ENTREP2: variants seen among roughly 807,000 people sequenced by gnomAD.
The protein encoded by ENTREP2 is protein ENTREP2.
At chr15:29,281,664 C>T in the ENTREP2 span, among the ~76,000 whole-genome samples, 2 of 152,192 alleles carry the variant, frequency 1.3e-5, no homozygotes, top group Admixed American at 6.5e-5. Flanking sequence ...TGCGGCAACC[C>T]CGCTCTGGAC....
At chr15:29,444,224 AAGAAAGAAAGAAAGAAAG>A in the ENTREP2 span, among the ~76,000 whole-genome samples, 1 of 149,976 alleles carries the variant, frequency 6.7e-6, no homozygotes, top group Admixed American at 6.6e-5. Context: ...GAAAGAAAGA[AAGAAAGAAAGAAAGAAAG>A]AAAGAAAGAG....
chr15:29,347,300 C>G, the ENTREP2 span, among the ~76,000 whole-genome samples: 1 of 152,108 alleles, frequency 6.6e-6, no homozygotes, highest in African/African-American at 2.4e-5. Context: ...ATAGCTGGGA[C>G]TATAGGCCCA....
At chr15:29,472,398 TTAAA>T in the ENTREP2 span, among the ~76,000 whole-genome samples, 7 of 150,622 alleles carry the variant, frequency 4.6e-5, no homozygotes, top group Admixed American at 3.3e-4. Context: ...TGTGTTAATA[TTAAA>T]TATTTTATAC....
At chr15:29,291,990 T>C in the ENTREP2 span, among the ~76,000 whole-genome samples, 80,702 of 151,946 alleles carry the variant, frequency 0.53, 23,671 homozygotes, top group Non-Finnish European at 0.68. Flanking sequence ...CACCCAATGT[T>C]TGCCAATGCT....
chr15:29,411,845 G>C, the ENTREP2 span, among the ~76,000 whole-genome samples: 3 of 152,160 alleles, frequency 2.0e-5, no homozygotes, highest in African/African-American at 7.2e-5. Flanking sequence ...AATGATCCCA[G>C]AACCATTTAT....
At chr15:29,183,462 C>T in the ENTREP2 span, among the ~76,000 whole-genome samples, 1 of 152,214 alleles carries the variant, frequency 6.6e-6, no homozygotes, top group Admixed American at 6.5e-5. Flanking sequence ...CAGGTGCACA[C>T]ACGCTGCCGA....
chr15:29,136,615 C>T, the ENTREP2 span: 1 of 1,126,400 alleles, frequency 8.9e-7, no homozygotes, highest in Non-Finnish European at 1.2e-6. Context: ...TCTAATACTT[C>T]CCATCATTGT....
the ENTREP2 span, among the ~76,000 whole-genome samples, chr15:29,491,157 T>C: frequency 0.041 from 6,175 of 152,276 alleles, 399 homozygotes; most frequent in African/African-American, 0.14. Context: ...GTGGCACCAG[T>C]TGGCCACTCC....
At chr15:29,492,595 T>G in the ENTREP2 span, among the ~76,000 whole-genome samples, 1 of 152,194 alleles carries the variant, frequency 6.6e-6, no homozygotes, top group Non-Finnish European at 1.5e-5. Context: ...GGTTATGACC[T>G]TCAAGTGTTA....
the ENTREP2 span, among the ~76,000 whole-genome samples, chr15:29,159,020 A>T: frequency 2.6e-5 from 4 of 152,326 alleles, no homozygotes; most frequent in Admixed American, 6.5e-5. Context: ...TAAAAACATT[A>T]AACAGTTCAG....
the ENTREP2 span, among the ~76,000 whole-genome samples, chr15:29,615,249 G>A: frequency 1.5e-4 from 22 of 151,624 alleles, no homozygotes; most frequent in Non-Finnish European, 2.5e-4. Flanking sequence ...TCTGCCTTCC[G>A]GGTTCAAGCG....
the ENTREP2 span, among the ~76,000 whole-genome samples, chr15:29,591,958 G>C: frequency 6.6e-6 from 1 of 152,142 alleles, no homozygotes; most frequent in African/African-American, 2.4e-5. Context: ...CAATGCCAAG[G>C]ATGGCTGGCA....
chr15:29,185,232 C>A, the ENTREP2 span, among the ~76,000 whole-genome samples: 1 of 152,060 alleles, frequency 6.6e-6, no homozygotes, highest in East Asian at 1.9e-4. Context: ...GTGCTCCACT[C>A]CCCTGTGATT....
At chr15:29,567,438 A>G in the ENTREP2 span, among the ~76,000 whole-genome samples, 1 of 152,178 alleles carries the variant, frequency 6.6e-6, no homozygotes, top group South Asian at 2.1e-4. Context: ...CCTTCTGCCT[A>G]ATCGTTAGCA....
the ENTREP2 span, among the ~76,000 whole-genome samples, chr15:29,540,751 C>T: frequency 1.3e-5 from 2 of 152,214 alleles, no homozygotes; most frequent in African/African-American, 4.8e-5. Context: ...GTAACACTAC[C>T]AACGGCACAT....
the ENTREP2 span, among the ~76,000 whole-genome samples, chr15:29,387,563 CA>C: frequency 2.0e-5 from 3 of 152,260 alleles, no homozygotes; most frequent in South Asian, 6.2e-4. Flanking sequence ...TTTATAGATT[CA>C]ATGCCATCCC....
the ENTREP2 span, among the ~76,000 whole-genome samples, chr15:29,592,156 C>T: frequency 2.0e-5 from 3 of 152,234 alleles, no homozygotes; most frequent in East Asian, 5.8e-4. Context: ...ACCATCCTTG[C>T]TCTCTCTGCC....
the ENTREP2 span, among the ~76,000 whole-genome samples, chr15:29,361,874 T>C: frequency 3.3e-5 from 5 of 152,230 alleles, no homozygotes; most frequent in Admixed American, 2.6e-4. Flanking sequence ...GGACAAATTC[T>C]TCCCCTCTTC....
chr15:29,463,424 T>C, the ENTREP2 span, among the ~76,000 whole-genome samples: 1 of 152,220 alleles, frequency 6.6e-6, no homozygotes, highest in African/African-American at 2.4e-5. Context: ...AAACTGGGCA[T>C]GTGGCTGCAC....
Sources: gnomAD v4.1 joint callset for allele counts (sites outside exome capture counted in the v4.1 genomes callset) on GRCh38, gnomAD v4.1.1 for gene constraint, MANE v1.5 for transcripts, NCBI Gene and HGNC (gene_info 2026-07-23, HGNC 2026-07-21) for gene names.